The following METTL15 variants were observed in gnomAD, a reference collection of about 807,000 sequenced individuals.
METTL15 encodes methyltransferase 15, mitochondrial 12S rRNA N4-cytidine.
In METTL15, 34 loss-of-function variants were observed where a neutral mutation model predicts 38.3. The observed-to-expected ratio is 0.89, with a 90% confidence interval of 0.68 to 1.18. The LOEUF (loss-of-function observed/expected upper bound fraction) is 1.18, where lower values mean the gene tolerates loss of function less well. Ranked by LOEUF, METTL15 falls within the 50% of genes most tolerant of loss-of-function variation. The pLI is 0.00. For missense variants in METTL15, 438 were observed against 498.4 expected (o/e 0.88, Z 1.15); for synonymous variants, 162 against 170.9 (o/e 0.95, Z 0.41).
chr11:28,509,096 C>G (rs1851654151), intron 6 of METTL15, among the ~76,000 whole-genome samples: 1 of 152,156 alleles, frequency 6.6e-6, no homozygotes, highest in African/African-American at 2.4e-5. Context: ...CTCTGTGGCA[C>G]AGGTTTGCAA....
At chr11:28,442,660 G>T (rs545503704) in intron 6 of METTL15, among the ~76,000 whole-genome samples, 18 of 152,168 alleles carry the variant, frequency 1.2e-4, no homozygotes, top group Admixed American at 1.3e-4. Flanking sequence ...TGAAGTAGAT[G>T]TTTCCTGGTT....
intron 4 of METTL15, among the ~76,000 whole-genome samples, chr11:28,235,159 A>G (rs1853892412): frequency 6.6e-6 from 1 of 151,944 alleles, no homozygotes; most frequent in Non-Finnish European, 1.5e-5. Flanking sequence ...TGTTCCATTG[A>G]TCTATATCTC....
chr11:28,205,156 G>T (rs1018652980), intron 3 of METTL15, among the ~76,000 whole-genome samples: 4 of 151,714 alleles, frequency 2.6e-5, no homozygotes, highest in South Asian at 2.1e-4. Context: ...TGCACAATGT[G>T]CAGGTTAGTT....
chr11:28,504,232 G>GA (rs1167845094), intron 6 of METTL15, among the ~76,000 whole-genome samples: 12 of 139,440 alleles, frequency 8.6e-5, no homozygotes, highest in Admixed American at 5.0e-4. Flanking sequence ...AGGGAGAAAA[G>GA]AAAAAAAAAT....
intron 4 of METTL15, among the ~76,000 whole-genome samples, chr11:28,287,988 G>A (rs898424999): frequency 6.6e-6 from 1 of 151,990 alleles, no homozygotes; most frequent in Admixed American, 6.6e-5. Context: ...CTTCCCTTCG[G>A]CTGGGAGGGG....
At chr11:28,472,493 C>A (rs1851311585) in intron 6 of METTL15, among the ~76,000 whole-genome samples, 1 of 152,054 alleles carries the variant, frequency 6.6e-6, no homozygotes, top group Admixed American at 6.6e-5. Context: ...AAAGTAGATT[C>A]CATGAAGAAA....
chr11:28,221,285 T>G (rs1351512329), intron 4 of METTL15, among the ~76,000 whole-genome samples: 1 of 152,166 alleles, frequency 6.6e-6, no homozygotes, highest in Non-Finnish European at 1.5e-5. Flanking sequence ...TCTCTAAATT[T>G]CTCTTCTCGC....
intron 6 of METTL15, among the ~76,000 whole-genome samples, chr11:28,430,964 G>A (rs1850920850): frequency 3.1e-5 from 3 of 96,402 alleles, no homozygotes; most frequent in South Asian, 3.7e-4. Context: ...GCCTCTGCCC[G>A]GCCGCCCCTA....
At chr11:28,235,398 G>T (rs1374744408) in intron 4 of METTL15, among the ~76,000 whole-genome samples, 4 of 151,910 alleles carry the variant, frequency 2.6e-5, no homozygotes, top group Non-Finnish European at 5.9e-5. Context: ...ACCTTGGGCA[G>T]TATGGCCATT....
At chr11:28,233,513 A>G (rs964974849) in intron 4 of METTL15, among the ~76,000 whole-genome samples, 1 of 151,962 alleles carries the variant, frequency 6.6e-6, no homozygotes, top group African/African-American at 2.4e-5. Flanking sequence ...ACAACACTGC[A>G]TTCAGTTTTC....
chr11:28,461,432 C>T (rs1851213905), intron 6 of METTL15, among the ~76,000 whole-genome samples: 1 of 152,090 alleles, frequency 6.6e-6, no homozygotes, highest in Non-Finnish European at 1.5e-5. Flanking sequence ...CCTTTATTCA[C>T]ATTAGCAACT....
intron 6 of METTL15, among the ~76,000 whole-genome samples, chr11:28,496,179 A>C (rs1421047834): frequency 6.6e-6 from 1 of 152,258 alleles, no homozygotes; most frequent in Non-Finnish European, 1.5e-5. Flanking sequence ...TCACAGTTCC[A>C]CATAGCTGGA....
intron 6 of METTL15, among the ~76,000 whole-genome samples, chr11:28,500,757 A>G (rs1314887593): frequency 6.6e-6 from 1 of 152,124 alleles, no homozygotes; most frequent in East Asian, 1.9e-4. Context: ...TCCTGACCTC[A>G]AATGATTCAC....
chr11:28,232,115 A>G (rs909459485), intron 4 of METTL15, among the ~76,000 whole-genome samples: 3 of 151,878 alleles, frequency 2.0e-5, no homozygotes, highest in African/African-American at 7.2e-5. Context: ...TCTTTAAAAT[A>G]TGTTATAAGT....
chr11:28,304,513 C>T (rs1041946820), intron 6 of METTL15, among the ~76,000 whole-genome samples: 6 of 152,186 alleles, frequency 3.9e-5, no homozygotes, highest in African/African-American at 9.6e-5. Context: ...TCCAGGAGTT[C>T]GAAACTGGCC....
intron 3 of METTL15, among the ~76,000 whole-genome samples, chr11:28,207,312 G>A (rs988204119): frequency 6.6e-6 from 1 of 152,090 alleles, no homozygotes; most frequent in Non-Finnish European, 1.5e-5. Flanking sequence ...AGAGTTTTTA[G>A]CATGAAGGGC....
At chr11:28,275,955 T>C (rs955717184) in intron 4 of METTL15, among the ~76,000 whole-genome samples, 3 of 152,086 alleles carry the variant, frequency 2.0e-5, no homozygotes, top group African/African-American at 7.2e-5. Context: ...CTTAAAATAC[T>C]AAGTGCCATA....
At chr11:28,188,972 A>G (rs1307448961) in intron 3 of METTL15, among the ~76,000 whole-genome samples, 1 of 151,352 alleles carries the variant, frequency 6.6e-6, no homozygotes, top group Non-Finnish European at 1.5e-5. Context: ...TTTAATGTTT[A>G]CATTTGTAAA....
chr11:28,160,052 C>T (rs1215277504), intron 3 of METTL15, among the ~76,000 whole-genome samples: 1 of 151,994 alleles, frequency 6.6e-6, no homozygotes, highest in Non-Finnish European at 1.5e-5. Flanking sequence ...CATCAGCTGC[C>T]AGCATGGCTA....
Sources: gnomAD v4.1 joint callset for allele counts (sites outside exome capture counted in the v4.1 genomes callset) on GRCh38, gnomAD v4.1.1 for gene constraint, MANE v1.5 for transcripts, NCBI Gene and HGNC (gene_info 2026-07-23, HGNC 2026-07-21) for gene names.